Variants in TBC1D20 observed in about 807,000 individuals in gnomAD.
TBC1D20 encodes chromosome 20 open reading frame 140.
In TBC1D20, 12 loss-of-function variants were observed where a neutral mutation model predicts 41.6. That is an observed-to-expected ratio of 0.29 (90% CI 0.18 to 0.47). The LOEUF is 0.47. Among genes scored for constraint, TBC1D20 ranks in the 20% least tolerant of loss-of-function variants. The probability of loss-of-function intolerance (pLI) is 1.00; values close to 1 mark genes in which losing one functional copy is unlikely to be tolerated. For missense variants in TBC1D20, 421 were observed against 517.4 expected, an observed-to-expected ratio of 0.81 and a Z score of 1.81; for synonymous variants, 205 against 204.8, an observed-to-expected ratio of 1.00 and a Z score of -0.01.
At chr20:456,032 C>T (rs1435779442) in intron 1 of TBC1D20, among the ~76,000 whole-genome samples, 3 of 152,174 alleles carry the variant, frequency 2.0e-5, no homozygotes, top group Non-Finnish European at 4.4e-5. Context: ...AATCCCAGCA[C>T]TTTAGGAAGC....
At position 438,648 on chromosome 20, in the gene TBC1D20, G is replaced by A. The variant is rs138992730; in HGVS notation, c.1150C>T (p.Leu384=). The A allele has an allele frequency of 1.2e-4, 194 of 1,614,224 alleles. No homozygotes were observed. In the African/African-American group the frequency reaches 2.4e-3, roughly 20 times the overall value. ...TCCAGGGCACTTTTCACCACAGCCAGTGCAGCCGCTCCAAGTGCCACTGTC... is the reference window on the plus strand; with the variant it reads ...TCCAGGGCACTTTTCACCACAGCCAATGCAGCCGCTCCAAGTGCCACTGTC... The part of the protein sequence containing the change: ...GLTVALGAAA[L]AVVKSALEWA... Residue 384 remains leucine (L), a synonymous_variant, in exon 8 of 8, where the codon CTG becomes TTG. Coordinates refer to ENST00000354200, the MANE Select transcript of TBC1D20 (RefSeq NM_144628.4).
At chr20:447,757 C>T in intron 2 of TBC1D20, 132 bp downstream of exon 2, 1 of 644,480 alleles carries the variant, frequency 1.6e-6, no homozygotes, top group Non-Finnish European at 2.3e-6. Context: ...TGGGCCCAAG[C>T]ATTTCCCAAA....
chr20:442,121 A>C (rs1330658814), intron 3 of TBC1D20, 78 bp from the exon 4 acceptor site: 2 of 1,305,620 alleles, frequency 1.5e-6, no homozygotes, highest in Non-Finnish European at 2.1e-6. Flanking sequence ...GCCAGCAATG[A>C]ATTTTCAGAG....
At chr20:458,235 G>A (rs2017574387) in intron 1 of TBC1D20, among the ~76,000 whole-genome samples, 5 of 151,876 alleles carry the variant, frequency 3.3e-5, no homozygotes, top group Admixed American at 3.3e-4. Context: ...CAAACCATTT[G>A]CCAGAATGTT....
intron 4 of TBC1D20, 44 bp downstream of exon 4, chr20:441,812 GC>G (rs1568575726): frequency 6.3e-7 from 1 of 1,597,952 alleles, no homozygotes; most frequent in East Asian, 2.2e-5. Context: ...CCCCAGGACG[GC>G]TGAGGAGTGA....
chr20:452,090 C>T (rs538470427), intron 1 of TBC1D20, among the ~76,000 whole-genome samples: 3 of 152,232 alleles, frequency 2.0e-5, no homozygotes, highest in East Asian at 3.9e-4. Flanking sequence ...AGGCAGATCA[C>T]GAGGTCAGGT....
chr20:445,200 A>G, intron 2 of TBC1D20, 70 bp from the exon 3 acceptor site: 1 of 1,217,810 alleles, frequency 8.2e-7, no homozygotes, highest in Non-Finnish European at 1.2e-6. Context: ...ACATTCTGGG[A>G]TGACACAAAA....
At chr20:455,161 T>C (rs2017519043) in intron 1 of TBC1D20, among the ~76,000 whole-genome samples, 1 of 152,176 alleles carries the variant, frequency 6.6e-6, no homozygotes, top group Admixed American at 6.5e-5. Flanking sequence ...TGACTGCTGT[T>C]TCCTGGTAAC....
intron 1 of TBC1D20, among the ~76,000 whole-genome samples, chr20:457,762 A>G (rs2017566810): frequency 6.6e-6 from 1 of 152,238 alleles, no homozygotes; most frequent in Non-Finnish European, 1.5e-5. Flanking sequence ...TCCTGTACTC[A>G]GGAGGAAGAC....
chr20:448,012 T>C lies in TBC1D20; in HGVS notation c.133A>G (p.Thr45Ala), dbSNP rs2122401496. 3 of 1,614,132 alleles carry C rather than the reference T, an allele frequency of 1.9e-6. No individual in the cohort carries two copies. In the Middle Eastern group the frequency reaches 4.9e-4, roughly 266 times the overall value. ...EIHQALNSDPTDVAALRRMAI... is the reference protein window; with the variant it reads ...EIHQALNSDPADVAALRRMAI... Reference sequence around the variant, plus strand: ...ATGCGTCTAAGGGCAGCCACATCAGTGGGATCACTGTTCAGAGCCTGGTGT... The same window carrying C: ...ATGCGTCTAAGGGCAGCCACATCAGCGGGATCACTGTTCAGAGCCTGGTGT... Residue 45 changes from threonine (T) to alanine (A), a missense_variant, in exon 2 of 8, where the codon ACT becomes GCT. Physicochemically the swap from Thr to Ala is moderately conservative, Grantham distance 58. Transcript: ENST00000354200.
intron 6 of TBC1D20, 115 bp downstream of exon 6, chr20:440,133 T>A (rs2017199236): frequency 1.5e-6 from 2 of 1,362,878 alleles, no homozygotes; most frequent in Non-Finnish European, 2.0e-6. Context: ...GACACCAGCC[T>A]GGGAAGTGCT....
chr20:455,701 G>C (rs142047253), intron 1 of TBC1D20, among the ~76,000 whole-genome samples: 9,104 of 152,078 alleles, frequency 0.06, 348 homozygotes, highest in South Asian at 0.21. Context: ...GGGAAGTCGA[G>C]GCGAGCGGAT....
chr20:458,894 C>T (rs1303718148), intron 1 of TBC1D20, among the ~76,000 whole-genome samples: 1 of 152,124 alleles, frequency 6.6e-6, no homozygotes, highest in African/African-American at 2.4e-5. Context: ...ACGTGGATTT[C>T]GGCTGCTGTT....
chr20:461,971 G>A (rs1040621617), intron 1 of TBC1D20, among the ~76,000 whole-genome samples: 1 of 152,202 alleles, frequency 6.6e-6, no homozygotes, highest in African/African-American at 2.4e-5. Flanking sequence ...GCGGCTCCGG[G>A]AGCCTGCGGA....
chr20:460,871 C>G (rs1406149617), intron 1 of TBC1D20, among the ~76,000 whole-genome samples: 1 of 152,180 alleles, frequency 6.6e-6, no homozygotes, highest in Non-Finnish European at 1.5e-5. Context: ...AGTCTTGCAA[C>G]AGATACACAG....
At chr20:447,682 T>C (rs2017362081) in intron 2 of TBC1D20, among the ~76,000 whole-genome samples, 1 of 151,934 alleles carries the variant, frequency 6.6e-6, no homozygotes, top group Non-Finnish European at 1.5e-5. Context: ...TAAAAACAAG[T>C]AAAAAAAGAA....
intron 1 of TBC1D20, among the ~76,000 whole-genome samples, chr20:459,342 C>T (rs1259714381): frequency 6.6e-6 from 1 of 152,190 alleles, no homozygotes; most frequent in Non-Finnish European, 1.5e-5. Flanking sequence ...GAATAAAAGC[C>T]CACATTTCAT....
intron 1 of TBC1D20, among the ~76,000 whole-genome samples, chr20:453,936 C>T (rs1267180164): frequency 6.8e-6 from 1 of 146,116 alleles, no homozygotes; most frequent in Non-Finnish European, 1.5e-5. Flanking sequence ...GAAACTCCAT[C>T]TCTATTAAAA....
intron 1 of TBC1D20, among the ~76,000 whole-genome samples, chr20:457,248 T>TTTTA (rs1160371175): frequency 6.6e-6 from 1 of 152,064 alleles, no homozygotes; most frequent in Admixed American, 6.6e-5. Context: ...TCTTTTTAAT[T>TTTTA]TTTATTTATT....
Sources: gnomAD v4.1 joint callset for allele counts (sites outside exome capture counted in the v4.1 genomes callset) on GRCh38, gnomAD v4.1.1 for gene constraint, MANE v1.5 for transcripts, NCBI Gene and HGNC (gene_info 2026-07-23, HGNC 2026-07-21) for gene names.